Variants in ARFGEF3 observed in about 807,000 individuals in gnomAD.
ARFGEF3 encodes the protein ARFGEF family member 3.
In ARFGEF3, 96 loss-of-function variants were observed where a neutral mutation model predicts 221.7. The observed-to-expected ratio is 0.43, with a 90% CI of 0.37 to 0.51. The LOEUF is 0.51. Ranked by LOEUF, ARFGEF3 falls within the 20% of genes least tolerant of loss-of-function variation. The pLI, the probability that ARFGEF3 is intolerant of heterozygous loss-of-function variation, is 0.00. For missense variants in ARFGEF3, 2,410 were observed against 2,789.9 expected, an observed-to-expected ratio of 0.86 and a Z score of 3.07; for synonymous variants, 1,145 against 1,126.8, an observed-to-expected ratio of 1.02 and a Z score of -0.32.
rs1453668168 is a variant in ARFGEF3 at position 138,336,565 on chromosome 6, C to T, written c.*79C>T. 5.9e-6 allele frequency: 7 copies of T among 1,181,600 alleles called. No individual in the cohort carries two copies. In the South Asian group the frequency reaches 9.6e-5, roughly 16 times the overall value. 73.2% of individuals were successfully genotyped at this position (1,181,600 alleles called of 1,614,324 possible). On this transcript the variant is annotated 3_prime_UTR_variant, in exon 34 of 34. Coordinates refer to ENST00000251691, the MANE Select transcript of ARFGEF3 (RefSeq NM_020340.5). ...GCCAATACAGCTGTTGCATTTTCCC[C>T]ACCACTAGCCCCACTTAAACTACTA...
intron 4 of ARFGEF3, among the ~76,000 whole-genome samples, chr6:138,225,642 T>C (rs1387314800): frequency 1.5e-4 from 23 of 152,190 alleles, no homozygotes; most frequent in Non-Finnish European, 1.5e-5. Context: ...GAATAATGAC[T>C]GGAATTGAAT....
chr6:138,305,612 C>CA (rs565498235), intron 22 of ARFGEF3, among the ~76,000 whole-genome samples: 4,848 of 62,324 alleles, frequency 0.078, 151 homozygotes, highest in African/African-American at 0.098. Context: ...GACCCTGTCT[C>CA]AAAAAAAAAA....
rs1324948033 is a variant in ARFGEF3, at chr6:138,289,946, G to A, written c.3025G>A (p.Asp1009Asn). The part of the protein sequence containing the change: ...VGLEMGSHNP[D>N]CWPHVFRVCE... ...CCTGGAGATGGGAAGCCACAACCCG[G>A]ACTGCTGGCCACACGTGTTCAGGTG... Residue 1009 changes from aspartate to asparagine, a missense_variant, in exon 18 of 34, where the codon GAC becomes AAC. Transcript: ENST00000251691. 3 of 1,613,376 alleles carry A rather than the reference G, an allele frequency of 1.9e-6. No individual in the cohort carries two copies. Among genetic ancestry groups the A allele is most frequent in the Non-Finnish European group, 2.5e-6 (3 of 1,179,674 alleles).
rs34722776 is a variant in ARFGEF3, at chr6:138,296,064, A to AC, written c.3503-742dup. 9.2e-5 allele frequency among the ~76,000 whole-genome samples: 14 copies of AC among 152,082 alleles called. No individual in the cohort carries two copies. In the East Asian group the frequency reaches 2.5e-3, roughly 27 times the overall value. On this transcript the variant is annotated intron_variant, in intron 20 of 33. Coordinates refer to ENST00000251691, the MANE Select transcript of ARFGEF3 (RefSeq NM_020340.5). ...ACCTTCTTTGCCAAGAAGGTGGCAA[A>AC]CCCCGCCCCCCATAGTTTCTCACCC...
chr6:138,196,618 A>T (rs1400390653), intron 2 of ARFGEF3, among the ~76,000 whole-genome samples: 1 of 152,192 alleles, frequency 6.6e-6, no homozygotes, highest in East Asian at 1.9e-4. Flanking sequence ...CTTTATAAAC[A>T]CTGTACACTT....
chr6:138,188,223 T>C (rs1777227650), intron 2 of ARFGEF3, among the ~76,000 whole-genome samples: 1 of 152,196 alleles, frequency 6.6e-6, no homozygotes, highest in Non-Finnish European at 1.5e-5. Flanking sequence ...CCACTCCTGC[T>C]GCAAATGACA....
chr6:138,324,057 G>T lies in ARFGEF3; in HGVS notation c.4904G>T (p.Ser1635Ile). The change falls in exon 31 of 34, where the codon AGC (serine) becomes ATC (isoleucine). Residue 1635 changes from serine to isoleucine, a missense_variant. Transcript: ENST00000251691. ...GGCTGCTTCCACAGCGGCACGGAGA[G>T]CTTCAGCGGGGAAGGCTGCCAGGTG... ...LLGCFHSGTE[S>I]FSGEGCQVRV... 1 of 1,613,930 alleles carries T rather than the reference G, an allele frequency of 6.2e-7. No homozygotes were observed. Among genetic ancestry groups the T allele is most frequent in the South Asian group, 1.1e-5 (1 of 91,074 alleles).
chr6:138,321,330 T>C, intron 29 of ARFGEF3, 105 bp downstream of exon 29: 1 of 641,708 alleles, frequency 1.6e-6, no homozygotes, highest in Non-Finnish European at 2.7e-6. Flanking sequence ...TGGATTGCTT[T>C]CTGTAAGTAG....
chr6:138,254,337 T>C (rs935948126), intron 9 of ARFGEF3, among the ~76,000 whole-genome samples: 1 of 150,804 alleles, frequency 6.6e-6, no homozygotes, highest in African/African-American at 2.4e-5. Flanking sequence ...GAGAATTGCT[T>C]CAACCTGAGA....
At chr6:138,299,685 CAGA>C (rs111986259) in intron 22 of ARFGEF3, among the ~76,000 whole-genome samples, 4,923 of 152,280 alleles carry the variant, frequency 0.032, 256 homozygotes, top group African/African-American at 0.11. Flanking sequence ...GCAAGTGGAG[CAGA>C]AGTTCTGGTC....
chr6:138,263,691 T>C (rs903373639), intron 12 of ARFGEF3, 80 bp downstream of exon 12: 18 of 1,295,436 alleles, frequency 1.4e-5, no homozygotes, highest in Non-Finnish European at 1.8e-5. Context: ...CTATCATGCT[T>C]ATAGTTTGAC....
chr6:138,165,750 GGAGA>G (rs2114419623), intron 1 of ARFGEF3, among the ~76,000 whole-genome samples: 1 of 152,140 alleles, frequency 6.6e-6, no homozygotes, highest in African/African-American at 2.4e-5. Flanking sequence ...GACCCCCATA[GGAGA>G]GAGGGTCATC....
chr6:138,328,192 A>G, intron 32 of ARFGEF3, 50 bp downstream of exon 32: 1 of 1,523,746 alleles, frequency 6.6e-7, no homozygotes, highest in Non-Finnish European at 8.8e-7. Context: ...AAGAATGTTC[A>G]TTCACTTCCA....
At chr6:138,296,780 T>A in intron 20 of ARFGEF3, 30 bp from the exon 21 acceptor site, 1 of 1,608,006 alleles carries the variant, frequency 6.2e-7, no homozygotes, top group East Asian at 2.2e-5. Flanking sequence ...GTTTTGGCTT[T>A]CTGGCATTTA....
intron 24 of ARFGEF3, 40 bp from the exon 25 acceptor site, chr6:138,311,367 G>A (rs1779825002): frequency 2.9e-6 from 4 of 1,357,128 alleles, no homozygotes; most frequent in Non-Finnish European, 4.1e-6. Context: ...GGGCACGCAA[G>A]GGTAACACTG....
chr6:138,170,750 A>C (rs752035043), intron 2 of ARFGEF3, 37 bp downstream of exon 2: 7 of 1,257,956 alleles, frequency 5.6e-6, no homozygotes. Flanking sequence ...ACAGAAGTCA[A>C]TATTACCCAC....
chr6:138,324,172 T>C lies in ARFGEF3; in HGVS notation c.5001+18T>C, dbSNP rs1780088879. The stretch of plus-strand genomic sequence containing the variant: ...CCCAGCAGGTAAGGGCAGGGGCTTT[T>C]GATCTCAGGAGCTCTAGAAACTCGA... On this transcript the variant is annotated intron_variant, in intron 31 of 33. Coordinates refer to ENST00000251691, the MANE Select transcript of ARFGEF3 (RefSeq NM_020340.5). The C allele has an allele frequency of 1.2e-6, 2 of 1,605,756 alleles. No individual in the cohort carries two copies. Among genetic ancestry groups the C allele is most frequent in the Non-Finnish European group, 1.7e-6 (2 of 1,175,054 alleles).
chr6:138,229,805 A>G lies in ARFGEF3; in HGVS notation c.373A>G (p.Thr125Ala). The change falls in exon 5 of 34, where the codon ACG becomes GCG. Residue 125 changes from threonine to alanine, a missense_variant. Coordinates refer to ENST00000251691, the MANE Select transcript of ARFGEF3 (RefSeq NM_020340.5). ...AAAGGTTTTACTATGCATCACCTAC[A>G]CGCCAACATTTGATCTGAATGGGAG... ...VMKVLLCITY[T>A]PTFDLNGSAV... 6.2e-7 allele frequency: 1 copy of G among 1,613,726 alleles called. No individual in the cohort carries two copies. Among genetic ancestry groups the G allele is most frequent in the Non-Finnish European group, 8.5e-7 (1 of 1,179,694 alleles).
intron 24 of ARFGEF3, among the ~76,000 whole-genome samples, chr6:138,309,701 TCA>T (rs1451328076): frequency 1.3e-5 from 2 of 152,204 alleles, no homozygotes; most frequent in African/African-American, 2.4e-5. Flanking sequence ...TTCAAAGGCC[TCA>T]GAATGAGGGG....
Sources: gnomAD v4.1 joint callset for allele counts (sites outside exome capture counted in the v4.1 genomes callset) on GRCh38, gnomAD v4.1.1 for gene constraint, MANE v1.5 for transcripts, NCBI Gene and HGNC (gene_info 2026-07-23, HGNC 2026-07-21) for gene names.